The following GMDS variants were observed in gnomAD, a reference collection of about 807,000 sequenced individuals.
GMDS encodes GDP-mannose 4,6-dehydratase.
In GMDS, 20 loss-of-function variants were observed where a neutral mutation model predicts 49.9. The observed-to-expected ratio is 0.40, with a 90% confidence interval of 0.28 to 0.58. GMDS has a LOEUF of 0.58. Ranked by LOEUF, GMDS falls within the 20% of genes least tolerant of loss-of-function variation. The pLI is 0.42. For missense variants in GMDS, 362 were observed against 481.4 expected, an observed-to-expected ratio of 0.75 and a Z score of 2.32; for synonymous variants, 177 against 178.6, an observed-to-expected ratio of 0.99 and a Z score of 0.07.
At chr6:1,856,645 G>A (rs1235636274) in intron 7 of GMDS, among the ~76,000 whole-genome samples, 1 of 152,242 alleles carries the variant, frequency 6.6e-6, no homozygotes, top group Admixed American at 6.5e-5. Flanking sequence ...TGGACAAAAT[G>A]CAAGAGTACA....
intron 9 of GMDS, among the ~76,000 whole-genome samples, chr6:1,663,444 C>G (rs1241275695): frequency 6.6e-6 from 1 of 152,208 alleles, no homozygotes; most frequent in Non-Finnish European, 1.5e-5. Context: ...TATCATCTCT[C>G]CTAGAAGAGC....
chr6:1,950,163 C>T (rs1165142311), intron 6 of GMDS, among the ~76,000 whole-genome samples: 1 of 152,306 alleles, frequency 6.6e-6, no homozygotes, highest in East Asian at 1.9e-4. Context: ...TACCTAATTT[C>T]TATCATGCAT....
At chr6:1,737,730 A>G (rs1767067447) in intron 8 of GMDS, among the ~76,000 whole-genome samples, 2 of 135,600 alleles carry the variant, frequency 1.5e-5, no homozygotes, top group Non-Finnish European at 3.4e-5. Context: ...CACCACAAAC[A>G]CACACACACA....
intron 4 of GMDS, among the ~76,000 whole-genome samples, chr6:2,045,756 A>T (rs1769970039): frequency 6.7e-6 from 1 of 149,002 alleles, no homozygotes. Flanking sequence ...AATAAAAAAG[A>T]GCTAGCCCCA....
At chr6:1,945,718 T>C (rs1763048189) in intron 6 of GMDS, among the ~76,000 whole-genome samples, 2 of 152,142 alleles carry the variant, frequency 1.3e-5, no homozygotes, top group Non-Finnish European at 1.5e-5. Flanking sequence ...GATTTCAGCT[T>C]GGGAAACATC....
chr6:1,826,890 C>T (rs1771135626), intron 7 of GMDS, among the ~76,000 whole-genome samples: 1 of 151,736 alleles, frequency 6.6e-6, no homozygotes, highest in African/African-American at 2.4e-5. Context: ...AGCATAGTGA[C>T]ACTCTCTAAA....
At chr6:2,142,932 C>T (rs188704035) in intron 1 of GMDS, among the ~76,000 whole-genome samples, 1 of 152,192 alleles carries the variant, frequency 6.6e-6, no homozygotes, top group East Asian at 1.9e-4. Context: ...TTCCAGCTGC[C>T]CCTGTCCCTC....
At chr6:1,730,382 G>T (rs1174379418) in intron 8 of GMDS, among the ~76,000 whole-genome samples, 2 of 152,208 alleles carry the variant, frequency 1.3e-5, no homozygotes, top group Non-Finnish European at 2.9e-5. Flanking sequence ...TCCTAGAAAA[G>T]TCTCCTAAAC....
Position 1,706,905 on chromosome 6 carries a change from G to A in GMDS, c.987+19511C>T, listed in dbSNP as rs117083766. Among the ~76,000 whole-genome samples the A allele has an allele frequency of 2.6e-3, 389 of 152,222 alleles. 4 individuals carry two copies. The East Asian group carries it at 0.037, about 14-fold the overall frequency. ...CCCTATGGTTGGACACTATGCTGTCGAACAGATCTCTAAACCTGAAGGAAA... is the reference window on the plus strand; with the variant it reads ...CCCTATGGTTGGACACTATGCTGTCAAACAGATCTCTAAACCTGAAGGAAA... On this transcript the variant is annotated intron_variant, in intron 9 of 10. Coordinates refer to ENST00000380815, the MANE Select transcript of GMDS (RefSeq NM_001500.4).
chr6:2,202,385 TGCACAGTCGAGTAA>T lies in GMDS; in HGVS notation c.102+42922_102+42935del, dbSNP rs1321349312. Among the ~76,000 whole-genome samples, 954 of 151,180 alleles carry T rather than the reference TGCACAGTCGAGTAA, an allele frequency of 6.3e-3. 11 individuals are homozygous for T. The highest frequency in any genetic ancestry group is 0.021 in the African/African-American group (880 of 41,144). On this transcript the variant is annotated intron_variant, in intron 1 of 10. Coordinates refer to ENST00000380815, the MANE Select transcript of GMDS (RefSeq NM_001500.4). ...GGCAGTGAGGGCAGCATGTCCTCAC[TGCACAGTCGAGTAA>T]GCACAGTCGAGTAAGACTGCTGCCA...
chr6:2,154,909 GAAT>G (rs1398489714), intron 1 of GMDS, among the ~76,000 whole-genome samples: 1 of 97,550 alleles, frequency 1.0e-5, no homozygotes, highest in Non-Finnish European at 2.1e-5. Context: ...TCTATTCCAA[GAAT>G]AATATAAAAA....
intron 2 of GMDS, among the ~76,000 whole-genome samples, chr6:2,119,663 A>G (rs1236069940): frequency 1.3e-5 from 2 of 152,210 alleles, no homozygotes; most frequent in African/African-American, 4.8e-5. Context: ...TTGTTTTTAT[A>G]AGGATTTTGG....
At chr6:1,942,324 T>C (rs536429748) in intron 6 of GMDS, among the ~76,000 whole-genome samples, 22 of 152,188 alleles carry the variant, frequency 1.4e-4, no homozygotes, top group Non-Finnish European at 2.6e-4. Flanking sequence ...CAGCCTCTAG[T>C]AGGCCACAAA....
At chr6:2,106,973 T>C (rs1417415125) in intron 4 of GMDS, among the ~76,000 whole-genome samples, 1 of 152,214 alleles carries the variant, frequency 6.6e-6, no homozygotes, top group Non-Finnish European at 1.5e-5. Context: ...GGTAAATATG[T>C]TCATTTAGCT....
intron 7 of GMDS, among the ~76,000 whole-genome samples, chr6:1,895,649 C>T (rs543924670): frequency 6.6e-6 from 1 of 152,282 alleles, no homozygotes; most frequent in African/African-American, 2.4e-5. Context: ...ATTCTTCCCA[C>T]CTTCTATGTA....
chr6:2,228,167 G>A lies in GMDS; in HGVS notation c.102+17154C>T, dbSNP rs539791962. Among the ~76,000 whole-genome samples the A allele has an allele frequency of 3.3e-5, 5 of 152,308 alleles. No homozygotes were observed. The South Asian group carries it at 1.0e-3, about 32-fold the overall frequency. ...GCTTGGTTCCTCTTGGATATAAAGT[G>A]CAAGCCTGTGTCACCTTCTGTGTCA... On this transcript the variant is annotated intron_variant, in intron 1 of 10. Coordinates refer to ENST00000380815, the MANE Select transcript of GMDS (RefSeq NM_001500.4).
intron 7 of GMDS, among the ~76,000 whole-genome samples, chr6:1,899,969 T>A (rs1243741893): frequency 6.6e-6 from 1 of 151,772 alleles, no homozygotes; most frequent in African/African-American, 2.4e-5. Flanking sequence ...GAGAACACAG[T>A]CGCCACTCTA....
intron 4 of GMDS, among the ~76,000 whole-genome samples, chr6:2,034,183 G>A (rs1380061326): frequency 1.3e-5 from 2 of 152,066 alleles, no homozygotes; most frequent in Non-Finnish European, 2.9e-5. Flanking sequence ...AACTTCTTTA[G>A]TTTACGGACA....
At chr6:1,690,753 T>C (rs183159449) in intron 9 of GMDS, among the ~76,000 whole-genome samples, 2 of 152,138 alleles carry the variant, frequency 1.3e-5, no homozygotes, top group East Asian at 3.9e-4. Context: ...AACAAACATA[T>C]AAAAAGAAGC....
Sources: allele counts gnomAD v4.1 joint callset (sites outside exome capture counted in the v4.1 genomes callset), GRCh38; gene constraint gnomAD v4.1.1; transcripts MANE v1.5; gene names NCBI Gene and HGNC (gene_info 2026-07-23, HGNC 2026-07-21).